The following ADGRL3 variants were observed in gnomAD, a reference collection of about 807,000 sequenced individuals.
ADGRL3 encodes the protein adhesion G protein-coupled receptor L3, also known as calcium-independent alpha-latrotoxin receptor 3.
In ADGRL3, 62 loss-of-function variants were observed where a neutral mutation model predicts 153.5. That is an observed-to-expected ratio of 0.40 (90% confidence interval 0.33 to 0.50). The LOEUF is 0.50. ADGRL3 is among the 20% of genes least tolerant of loss of function. ADGRL3 has a pLI of 0.47. For synonymous variants in ADGRL3, 710 were observed against 672.5 expected (o/e 1.06, Z -0.86); for missense variants, 1,641 against 1,859.4 (o/e 0.88, Z 2.16).
intron 9 of ADGRL3, among the ~76,000 whole-genome samples, chr4:61,880,640 TAAG>T (rs1352770176): frequency 1.3e-5 from 2 of 152,196 alleles, no homozygotes; most frequent in African/African-American, 2.4e-5. Context: ...TCCTTGCACT[TAAG>T]AAGAACTGTA....
intron 6 of ADGRL3, among the ~76,000 whole-genome samples, chr4:61,716,691 A>G (rs1580426704): frequency 6.6e-6 from 1 of 152,288 alleles, no homozygotes; most frequent in South Asian, 2.1e-4. Flanking sequence ...TAGATAATAT[A>G]TAGTTCACTA....
intron 4 of ADGRL3, among the ~76,000 whole-genome samples, chr4:61,585,457 CT>C (rs576293586): frequency 4.9e-4 from 74 of 152,002 alleles, no homozygotes; most frequent in Admixed American, 1.6e-3. Flanking sequence ...CATTTTTCAC[CT>C]CCCTGCCTCT....
intron 5 of ADGRL3, among the ~76,000 whole-genome samples, chr4:61,589,137 G>A (rs1223482661): frequency 6.6e-6 from 1 of 152,076 alleles, no homozygotes; most frequent in East Asian, 1.9e-4. Context: ...AGTGACAAAT[G>A]TGTAGAGTAA....
intron 2 of ADGRL3, among the ~76,000 whole-genome samples, chr4:61,496,049 A>G (rs1034872477): frequency 9.9e-5 from 15 of 152,158 alleles, no homozygotes; most frequent in Non-Finnish European, 1.9e-4. Context: ...CTTTGCCTTG[A>G]TTTTCAGTAC....
intron 4 of ADGRL3, among the ~76,000 whole-genome samples, chr4:61,526,480 GA>G (rs1454997730): frequency 1.3e-5 from 2 of 152,036 alleles, no homozygotes; most frequent in South Asian, 2.1e-4. Flanking sequence ...ACACAAATTG[GA>G]AGACTAATAC....
intron 1 of ADGRL3, among the ~76,000 whole-genome samples, chr4:61,263,075 A>G (rs2092638275): frequency 6.6e-6 from 1 of 152,082 alleles, no homozygotes; most frequent in African/African-American, 2.4e-5. Flanking sequence ...GTTGAATGCA[A>G]TCTTGATATA....
chr4:62,059,571 G>C (rs1239822746), intron 25 of ADGRL3, among the ~76,000 whole-genome samples: 3 of 152,094 alleles, frequency 2.0e-5, no homozygotes, highest in Non-Finnish European at 4.4e-5. Context: ...TTTTCCTTAA[G>C]AGTTTTATAT....
chr4:61,434,001 G>T (rs1322483961), intron 2 of ADGRL3, among the ~76,000 whole-genome samples: 1 of 151,988 alleles, frequency 6.6e-6, no homozygotes, highest in Non-Finnish European at 1.5e-5. Flanking sequence ...GTCTTAAATG[G>T]ATTCAGTTTT....
At chr4:61,222,762 T>C (rs769003328) in intron 1 of ADGRL3, among the ~76,000 whole-genome samples, 2 of 152,132 alleles carry the variant, frequency 1.3e-5, no homozygotes, top group Non-Finnish European at 2.9e-5. Flanking sequence ...GTGAATAATT[T>C]CCTCTTGAAA....
chr4:61,989,962 G>T (rs1279780332), intron 19 of ADGRL3, among the ~76,000 whole-genome samples: 16 of 152,000 alleles, frequency 1.1e-4, no homozygotes, highest in Non-Finnish European at 1.5e-5. Flanking sequence ...AAATGGTGTA[G>T]CTAGCTACTT....
intron 8 of ADGRL3, among the ~76,000 whole-genome samples, chr4:61,746,781 C>T (rs1361688797): frequency 1.3e-5 from 2 of 152,116 alleles, no homozygotes; most frequent in African/African-American, 4.8e-5. Context: ...GACACCCTAA[C>T]ATCACAATTA....
At chr4:61,636,552 T>C (rs1360215989) in intron 5 of ADGRL3, among the ~76,000 whole-genome samples, 1 of 152,056 alleles carries the variant, frequency 6.6e-6, no homozygotes, top group East Asian at 1.9e-4. Flanking sequence ...TTCCCAAAAT[T>C]TAAAAAGCTA....
At chr4:61,650,720 T>A (rs531684908) in intron 5 of ADGRL3, among the ~76,000 whole-genome samples, 1 of 152,064 alleles carries the variant, frequency 6.6e-6, no homozygotes, top group Non-Finnish European at 1.5e-5. Flanking sequence ...TTGACAGAGG[T>A]CTTTATAAAC....
chr4:61,497,021 C>A, intron 2 of ADGRL3, 100 bp from the exon 3 acceptor site: 1 of 368,424 alleles, frequency 2.7e-6, no homozygotes, highest in African/African-American at 2.2e-5. Flanking sequence ...GATCTGAGGC[C>A]AGGATATTAA....
In ADGRL3 at chr4:61,468,122, T is replaced by A. The variant is rs776085675; in HGVS notation, c.-173-28999T>A. Among the ~76,000 whole-genome samples the A allele has an allele frequency of 3.9e-5, 6 of 152,118 alleles. No individual in the cohort carries two copies. The South Asian group carries it at 1.2e-3, about 31-fold the overall frequency. On this transcript the variant is annotated intron_variant, in intron 2 of 26. Coordinates refer to ENST00000683033, the MANE Select transcript of ADGRL3 (RefSeq NM_001387552.1). ...CAGGTGGCTGCAAAGGAATTAAACA[T>A]AAAAGGAAATAAAAGCAATGTAAAA...
At chr4:61,269,584 A>G (rs905084180) in intron 1 of ADGRL3, among the ~76,000 whole-genome samples, 1 of 151,724 alleles carries the variant, frequency 6.6e-6, no homozygotes, top group Non-Finnish European at 1.5e-5. Context: ...AAAGCCATAA[A>G]AAACTCTATT....
intron 9 of ADGRL3, among the ~76,000 whole-genome samples, chr4:61,860,046 G>A (rs1279370013): frequency 6.6e-6 from 1 of 152,088 alleles, no homozygotes; most frequent in African/African-American, 2.4e-5. Context: ...AGAGATAAAG[G>A]TGTATATCAA....
At chr4:61,724,673 TTAAA>T (rs1349883010) in intron 6 of ADGRL3, among the ~76,000 whole-genome samples, 9 of 152,334 alleles carry the variant, frequency 5.9e-5, no homozygotes, top group Admixed American at 5.2e-4. Context: ...ACTCCTCTCA[TTAAA>T]TAAAGGATTA....
At chr4:61,881,983 A>C (rs1315891396) in intron 9 of ADGRL3, among the ~76,000 whole-genome samples, 1 of 152,190 alleles carries the variant, frequency 6.6e-6, no homozygotes, top group African/African-American at 2.4e-5. Flanking sequence ...GTCAACTCTG[A>C]TTCAGTTGAA....
Sources: allele counts gnomAD v4.1 joint callset (sites outside exome capture counted in the v4.1 genomes callset), GRCh38; gene constraint gnomAD v4.1.1; transcripts MANE v1.5; gene names NCBI Gene and HGNC (gene_info 2026-07-23, HGNC 2026-07-21).